The following ESPN variants were observed in gnomAD, a reference collection of about 807,000 sequenced individuals.
ESPN encodes autosomal recessive deafness type 36 protein.
ESPN carries 68 observed loss-of-function variants against 77.7 expected under a neutral mutation model. The observed-to-expected ratio is 0.87, with a 90% CI of 0.72 to 1.07. ESPN has a LOEUF of 1.07. Among genes scored for constraint, ESPN ranks in the 50% least tolerant of loss-of-function variants. The pLI, the probability that ESPN is intolerant of heterozygous loss-of-function variation, is 0.00. For missense variants in ESPN, 1,060 were observed against 1,239.0 expected (o/e 0.86, Z 2.17); for synonymous variants, 449 against 567.1 (o/e 0.79, Z 2.96).
Position 6,425,262 on chromosome 1 carries a change from G to C in ESPN, c.294+13G>C. 1.3e-6 allele frequency: 2 copies of C among 1,566,968 alleles called. No individual in the cohort carries two copies. Among genetic ancestry groups the C allele is most frequent in the Non-Finnish European group, 1.7e-6 (2 of 1,164,898 alleles). On this transcript the variant is annotated intron_variant, in intron 1 of 12. Coordinates refer to ENST00000645284, the MANE Select transcript of ESPN (RefSeq NM_031475.3). Reference sequence around the variant, plus strand: ...CTGCAGAGTGCAGGTGGGTCCGCGCGGTTCGCCAGGGGCACTGAGGCTTCC... The same window carrying C: ...CTGCAGAGTGCAGGTGGGTCCGCGCCGTTCGCCAGGGGCACTGAGGCTTCC...
chr1:6,451,552 C>T lies in ESPN; in HGVS notation c.1916-51C>T, dbSNP rs370714821. 4.2e-5 allele frequency: 67 copies of T among 1,589,914 alleles called. No homozygotes were observed. The South Asian group carries it at 4.4e-4, about 10-fold the overall frequency. On this transcript the variant is annotated intron_variant, in intron 8 of 12. Coordinates refer to ENST00000645284, the MANE Select transcript of ESPN (RefSeq NM_031475.3). This position sits in a 1 kb window ranked among gnomAD's most constrained non-coding sequence, Gnocchi z 4.3. ...CTGCAGAGGGGCGGGTGAGGGGTGG[C>T]GGGGATGCAGCCCCACCCTGGCCAG... is the stretch of plus-strand genomic sequence containing the variant.
intron 10 of ESPN, chr1:6,455,906 GGAA>G (rs919773748): frequency 2.5e-6 from 1 of 398,832 alleles, no homozygotes; most frequent in African/African-American, 2.1e-5. Flanking sequence ...CGAAGGAAAA[GGAA>G]GAGGAGGGGA....
At chr1:6,454,804 C>A in intron 10 of ESPN, 4 of 397,448 alleles carry the variant, frequency 1.0e-5, no homozygotes, top group Non-Finnish European at 1.3e-5. Context: ...GCGCACCTGG[C>A]GGAGCTGCTG....
chr1:6,425,182 A>T lies in ESPN; in HGVS notation c.227A>T (p.Asp76Val). 2 of 1,537,224 alleles carry T rather than the reference A, an allele frequency of 1.3e-6. No homozygotes were observed. The highest frequency in any genetic ancestry group is 8.7e-7 in the Non-Finnish European group (1 of 1,148,520). The change falls in exon 1 of 13, where the codon GAC (aspartate) becomes GTC (valine). Residue 76 changes from aspartate to valine, a missense_variant. By Grantham distance (152) the Asp-to-Val change is radical (BLOSUM62 -3). This residue lies in a region of ESPN where 556 missense variants were observed against 633.6 expected (regional missense o/e 0.88). Transcript: ENST00000645284. ...RARNGATPAH[D>V]ASATGHLACL... Reference sequence around the variant, plus strand: ...CGCAACGGCGCCACACCGGCCCACGACGCCTCCGCCACCGGCCACCTCGCC... The same window carrying T: ...CGCAACGGCGCCACACCGGCCCACGTCGCCTCCGCCACCGGCCACCTCGCC...
In ESPN at chr1:6,434,296, T is replaced by A. The variant is rs1252008842; in HGVS notation, c.488+5877T>A. On this transcript the variant is annotated intron_variant, in intron 2 of 12. Coordinates refer to ENST00000645284, the MANE Select transcript of ESPN (RefSeq NM_031475.3). ...CCCTAGGAGAAACCCCTGAGACACATTCCATCTCTTCACTCCCTGCATGCC... is the reference window on the plus strand; with the variant it reads ...CCCTAGGAGAAACCCCTGAGACACAATCCATCTCTTCACTCCCTGCATGCC... 3.9e-5 allele frequency among the ~76,000 whole-genome samples: 6 copies of A among 152,186 alleles called. No individual in the cohort carries two copies. In the East Asian group the frequency reaches 1.2e-3, roughly 29 times the overall value.
chr1:6,440,134 G>C lies in ESPN; in HGVS notation c.489-120G>C, dbSNP rs1321572873. The stretch of plus-strand genomic sequence containing the variant: ...CGGGCAGCAGCGGGCCGGTGACAGG[G>C]CCCTTTCCCACCCACTCTCCCTGCC... On this transcript the variant is annotated intron_variant, in intron 2 of 12. Coordinates refer to ENST00000645284, the MANE Select transcript of ESPN (RefSeq NM_031475.3). The C allele has an allele frequency of 3.7e-6, 4 of 1,082,034 alleles. No homozygotes were observed. In the East Asian group the frequency reaches 1.0e-4, roughly 28 times the overall value. 67.0% of individuals were successfully genotyped at this position (1,082,034 alleles called of 1,614,324 possible). A position where few individuals can be genotyped will look rare whatever the true frequency, so the allele number is the denominator to read the frequency against.
At position 6,448,895 on chromosome 1, in the gene ESPN, G is replaced by A; in HGVS notation, c.1719G>A (p.Ala573=). 4 of 1,340,806 alleles carry A rather than the reference G, an allele frequency of 3.0e-6. No individual in the cohort carries two copies. The highest frequency in any genetic ancestry group is 3.8e-6 in the Non-Finnish European group (4 of 1,049,780). 83.1% of individuals were successfully genotyped at this position (1,340,806 alleles called of 1,614,324 possible). The change falls in exon 8 of 13, where the codon GCG becomes GCA. Residue 573 remains alanine (A), a synonymous_variant. Coordinates refer to ENST00000645284, the MANE Select transcript of ESPN (RefSeq NM_031475.3). ...SLEGPSAPPQ[A]ALLPGNHVPN... ...AAGGCCCCTCCGCTCCCCCGCAGGC[G>A]GCGCTGCTTCCTGGGAACCATGTTC...
intron 7 of ESPN, among the ~76,000 whole-genome samples, chr1:6,446,624 G>A (rs1643849621): frequency 6.6e-6 from 1 of 152,200 alleles, no homozygotes; most frequent in Non-Finnish European, 1.5e-5. Flanking sequence ...CTGGAGCAGG[G>A]GTTGGGGCAG....
At position 6,441,207 on chromosome 1, in the gene ESPN, G is replaced by A. The variant is rs1158190900; in HGVS notation, c.990+142G>A. ...CTACCCCACACGACCTCTCAGCCCA[G>A]AACCACTGCCTACTGGGGACTGAGG... On this transcript the variant is annotated intron_variant, in intron 5 of 12. Transcript: ENST00000645284. 5 of 1,211,016 alleles carry A rather than the reference G, an allele frequency of 4.1e-6. No individual in the cohort carries two copies. The East Asian group carries it at 7.7e-5, about 19-fold the overall frequency. The allele number at this position is 1,211,016 out of a possible 1,614,324, so 75.0% of individuals were successfully genotyped here. A position where few individuals can be genotyped will look rare whatever the true frequency, so the allele number is the denominator to read the frequency against.
chr1:6,456,131 C>G (rs1200239310), intron 10 of ESPN: 1 of 399,268 alleles, frequency 2.5e-6, no homozygotes, highest in African/African-American at 2.1e-5. Context: ...ACGAGGACAT[C>G]TGCCGCTACA....
intron 12 of ESPN, among the ~76,000 whole-genome samples, chr1:6,459,314 G>A (rs1231513890): frequency 6.6e-6 from 1 of 152,058 alleles, no homozygotes; most frequent in Non-Finnish European, 1.5e-5. Context: ...GGCTGAGGTG[G>A]GAGGATTACG....
chr1:6,448,683 T>C lies in ESPN; in HGVS notation c.1507T>C (p.Ser503Pro). The part of the protein sequence containing the change: ...DGHDGLRRQD[S>P]SRKPRAFSKQ... Reference sequence around the variant, plus strand: ...CCACGACGGGCTGCGGAGGCAGGACTCCAGCCGCAAGCCCCGCGCCTTCAG... The same window carrying C: ...CCACGACGGGCTGCGGAGGCAGGACCCCAGCCGCAAGCCCCGCGCCTTCAG... Residue 503 changes from serine (S) to proline (P), a missense_variant, in exon 8 of 13, where the codon TCC (serine) becomes CCC (proline). By Grantham distance (74) the Ser-to-Pro change is moderately conservative. This residue lies in a region of ESPN where 130 missense variants were observed against 223.9 expected (regional missense o/e 0.58). Transcript: ENST00000645284. The C allele has an allele frequency of 6.5e-7, 1 of 1,549,518 alleles. No homozygotes were observed. The highest frequency in any genetic ancestry group is 1.2e-5 in the South Asian group (1 of 84,634).
intron 5 of ESPN, among the ~76,000 whole-genome samples, chr1:6,441,604 T>A (rs1643639281): frequency 6.6e-6 from 1 of 152,230 alleles, no homozygotes. Context: ...TATGTTATTA[T>A]GGTGAGACAG....
chr1:6,425,108 T>C lies in ESPN; in HGVS notation c.153T>C (p.Cys51=). Residue 51 remains cysteine (C), a synonymous_variant, in exon 1 of 13, where the codon TGT becomes TGC. Transcript: ENST00000645284. Reference sequence around the variant, plus strand: ...CGGCCCGCGCTGGGAAGCTGCACTGTCTGCGCTTCCTGGTGGAGGAAGCCG... The same window carrying C: ...CGGCCCGCGCTGGGAAGCTGCACTGCCTGCGCTTCCTGGTGGAGGAAGCCG... The part of the protein sequence containing the change: ...HHAARAGKLH[C]LRFLVEEAAL... 1 of 1,508,004 alleles carries C rather than the reference T, an allele frequency of 6.6e-7. No homozygotes were observed. Among genetic ancestry groups the C allele is most frequent in the African/African-American group, 1.4e-5 (1 of 69,478 alleles). 93.4% of individuals were successfully genotyped at this position (1,508,004 alleles called of 1,614,324 possible).
chr1:6,448,304 G>A (rs1260364649), intron 7 of ESPN, among the ~76,000 whole-genome samples: 3 of 152,176 alleles, frequency 2.0e-5, no homozygotes, highest in African/African-American at 7.2e-5. Flanking sequence ...TGAGGGCTAA[G>A]CTGGGAGGTG....
At chr1:6,455,761 G>A (rs867681119) in intron 10 of ESPN, 2 of 398,888 alleles carry the variant, frequency 5.0e-6, no homozygotes, top group African/African-American at 4.1e-5. Flanking sequence ...CCGTGGGAGC[G>A]CATCCGCCTC....
intron 1 of ESPN, among the ~76,000 whole-genome samples, chr1:6,426,382 C>G (rs1643033776): frequency 6.6e-6 from 1 of 152,314 alleles, no homozygotes; most frequent in South Asian, 2.1e-4. Flanking sequence ...CCAGAAGCCT[C>G]TCTGGCCAGT....
chr1:6,432,677 C>T (rs1181046081), intron 2 of ESPN, among the ~76,000 whole-genome samples: 1 of 152,238 alleles, frequency 6.6e-6, no homozygotes, highest in Non-Finnish European at 1.5e-5. Context: ...TTCTGCCTCA[C>T]GTGGGGGCTA....
At position 6,424,952 on chromosome 1, in the gene ESPN, C is replaced by T; in HGVS notation, c.-4C>T. On this transcript the variant is annotated 5_prime_UTR_variant, in exon 1 of 13. Coordinates refer to ENST00000645284, the MANE Select transcript of ESPN (RefSeq NM_031475.3). ...TGCGGAGTCGCGGCGCCGCACGCGGCACCATGGCCCTGGAGCAGGCGCTGC... is the reference window on the plus strand; with the variant it reads ...TGCGGAGTCGCGGCGCCGCACGCGGTACCATGGCCCTGGAGCAGGCGCTGC... 1 of 1,445,188 alleles carries T rather than the reference C, an allele frequency of 6.9e-7. No homozygotes were observed. The allele number at this position is 1,445,188 out of a possible 1,614,324, so 89.5% of individuals were successfully genotyped here. A position where few individuals can be genotyped will look rare whatever the true frequency, so the allele number is the denominator to read the frequency against.
Sources: allele counts gnomAD v4.1 joint callset (sites outside exome capture counted in the v4.1 genomes callset), GRCh38; gene constraint gnomAD v4.1.1; regional missense constraint gnomAD v4.1.1; non-coding constraint Gnocchi (gnomAD v3.1); transcripts MANE v1.5; gene names NCBI Gene and HGNC (gene_info 2026-07-23, HGNC 2026-07-21).